The following LPCAT1 variants were observed in gnomAD, a reference collection of about 807,000 sequenced individuals.
The protein encoded by LPCAT1 is 1-acylglycerol-3-phosphate O-acyltransferase.
In LPCAT1, 23 loss-of-function variants were observed where a neutral mutation model predicts 60.9. That is an observed-to-expected ratio of 0.38 (90% confidence interval 0.27 to 0.53). LPCAT1 has a LOEUF of 0.53. LPCAT1 is among the 20% of genes least tolerant of loss of function. LPCAT1 has a pLI of 0.82. For missense variants in LPCAT1, 622 were observed against 723.6 expected (o/e 0.86, Z 1.61); for synonymous variants, 340 against 301.1 (o/e 1.13, Z -1.34).
In LPCAT1 at chr5:1,523,241, G is replaced by A. The variant is rs185792634; in HGVS notation, c.135+469C>T. ...CCCTCCCGCCCGCGGGCCGCGTCCAGGCAAAGCCGCTCCGGAGTCCCCGGG... is the reference window on the plus strand; with the variant it reads ...CCCTCCCGCCCGCGGGCCGCGTCCAAGCAAAGCCGCTCCGGAGTCCCCGGG... On this transcript the variant is annotated intron_variant, in intron 1 of 13. Coordinates refer to ENST00000283415, the MANE Select transcript of LPCAT1 (RefSeq NM_024830.5). The surrounding 1 kb of genome is among the most constrained non-coding windows in gnomAD (Gnocchi z 7.1). 1.8e-3 allele frequency among the ~76,000 whole-genome samples: 272 copies of A among 152,098 alleles called. No individual in the cohort carries two copies. The highest frequency in any genetic ancestry group is 6.1e-3 in the African/African-American group (255 of 41,530).
intron 5 of LPCAT1, among the ~76,000 whole-genome samples, chr5:1,484,401 T>TA (rs559014501): frequency 6.6e-6 from 1 of 152,360 alleles, no homozygotes; most frequent in Non-Finnish European, 1.5e-5. Flanking sequence ...AGTTTTTTTT[T>TA]AACTGGAAAA....
At chr5:1,510,350 G>A (rs184900489) in intron 1 of LPCAT1, among the ~76,000 whole-genome samples, 38 of 152,252 alleles carry the variant, frequency 2.5e-4, no homozygotes, top group African/African-American at 7.7e-4. Flanking sequence ...CAGCCGTACC[G>A]CCTCCCGCCG....
Position 1,474,740 on chromosome 5 carries a change from C to T in LPCAT1, c.900-55G>A, listed in dbSNP as rs58545070. 4.1e-4 allele frequency: 643 copies of T among 1,565,640 alleles called. 2 individuals carry two copies. Among genetic ancestry groups the T allele is most frequent in the African/African-American group, 3.6e-3 (267 of 74,346 alleles). ...CAGCCTCGTGGCAGCCAGTTCCCAC[C>T]GCCCCACCAGAATAACCGCCGATGG... On this transcript the variant is annotated intron_variant, in intron 9 of 13. Coordinates refer to ENST00000283415, the MANE Select transcript of LPCAT1 (RefSeq NM_024830.5).
At chr5:1,465,068 C>A (rs868515413) in intron 13 of LPCAT1, among the ~76,000 whole-genome samples, 8 of 71,588 alleles carry the variant, frequency 1.1e-4, no homozygotes, top group African/African-American at 3.2e-4. Context: ...AGTGCACGCA[C>A]ACACACGGTA....
Position 1,470,912 on chromosome 5 carries a change from C to CGCCGCT in LPCAT1, c.1186_1191dup (p.Ser396_Gly397dup), listed in dbSNP as rs749558789. Reference sequence around the variant, plus strand: ...ACCACACACTCTCGCAGGTCCACCTCGCCGCTGCCGCTCTGTGGGGAGAGA... The same window carrying CGCCGCT: ...ACCACACACTCTCGCAGGTCCACCTCGCCGCTGCCGCTGCCGCTCTGTGGGGAGAGA... On this transcript the variant is annotated inframe_insertion, in exon 12 of 14. Coordinates refer to ENST00000283415, the MANE Select transcript of LPCAT1 (RefSeq NM_024830.5). 52 of 1,613,002 alleles carry CGCCGCT rather than the reference C, an allele frequency of 3.2e-5. No homozygotes were observed. In the African/African-American group the frequency reaches 6.4e-4, roughly 20 times the overall value.
chr5:1,513,325 C>T (rs186203057), intron 1 of LPCAT1, among the ~76,000 whole-genome samples: 1 of 152,206 alleles, frequency 6.6e-6, no homozygotes, highest in Non-Finnish European at 1.5e-5. Flanking sequence ...CATGTCCAAC[C>T]TGCAGCCCCA....
At position 1,494,933 on chromosome 5, in the gene LPCAT1, C is replaced by T. The variant is rs1173284393; in HGVS notation, c.279-19G>A. 4.4e-6 allele frequency: 7 copies of T among 1,576,102 alleles called. No homozygotes were observed. Among genetic ancestry groups the T allele is most frequent in the South Asian group, 1.1e-5 (1 of 87,906 alleles). On this transcript the variant is annotated intron_variant, in intron 2 of 13. Transcript: ENST00000283415. ...CACAACCCTGCAAAAGAGGGCGCTGCGTCACGCGGGCACACGTCCGCAGTC... is the reference window on the plus strand; with the variant it reads ...CACAACCCTGCAAAAGAGGGCGCTGTGTCACGCGGGCACACGTCCGCAGTC...
At chr5:1,501,901 T>C (rs552566298) in intron 1 of LPCAT1, among the ~76,000 whole-genome samples, 45 of 152,096 alleles carry the variant, frequency 3.0e-4, no homozygotes, top group Middle Eastern at 3.4e-3. Flanking sequence ...TGACCAAGGC[T>C]GACCGGTGCT....
Position 1,483,716 on chromosome 5 carries a change from A to G in LPCAT1, c.668-230T>C, listed in dbSNP as rs1003420449. On this transcript the variant is annotated intron_variant, in intron 5 of 13. Coordinates refer to ENST00000283415, the MANE Select transcript of LPCAT1 (RefSeq NM_024830.5). This position sits in a 1 kb window ranked among gnomAD's most constrained non-coding sequence, Gnocchi z 9.2. The stretch of plus-strand genomic sequence containing the variant: ...GCCAGGGGCGCTCCCCGGCCAAGGA[A>G]CACTTTCTGTTTTAACATCGCGCAC... 6.6e-6 allele frequency among the ~76,000 whole-genome samples: 1 copy of G among 152,236 alleles called. No homozygotes were observed. The highest frequency in any genetic ancestry group is 1.5e-5 in the Non-Finnish European group (1 of 68,048).
chr5:1,464,182 C>T (rs1734228605), intron 13 of LPCAT1, among the ~76,000 whole-genome samples: 1 of 152,216 alleles, frequency 6.6e-6, no homozygotes, highest in Non-Finnish European at 1.5e-5. Context: ...AGGGACAAGA[C>T]CAAGTGTCTG....
In LPCAT1 at chr5:1,480,874, G is replaced by T; in HGVS notation, c.761+68C>A. 6.3e-7 allele frequency: 1 copy of T among 1,577,890 alleles called. No homozygotes were observed. Among genetic ancestry groups the T allele is most frequent in the Non-Finnish European group, 8.7e-7 (1 of 1,147,618 alleles). On this transcript the variant is annotated intron_variant, in intron 7 of 13. Coordinates refer to ENST00000283415, the MANE Select transcript of LPCAT1 (RefSeq NM_024830.5). This position sits in a 1 kb window ranked among gnomAD's most constrained non-coding sequence, Gnocchi z 6.4. ...GCAAAAGTAACTAGCGTGCACAGCA[G>T]ACCCCAAGCAGCCCCTACGTGTTCA...
In LPCAT1 at chr5:1,494,887, G is replaced by A. The variant is rs779218382; in HGVS notation, c.306C>T (p.Ile102=). ...RKVVDFLLKA[I]MRTMWFAGGF... Reference sequence around the variant, plus strand: ...CGCCGGCGAACCACATGGTGCGCATGATGGCCTTCAGCAGGAAGTCCACAA... The same window carrying A: ...CGCCGGCGAACCACATGGTGCGCATAATGGCCTTCAGCAGGAAGTCCACAA... The change falls in exon 3 of 14, where the codon ATC becomes ATT. Residue 102 remains isoleucine, a synonymous_variant. Transcript: ENST00000283415. The A allele has an allele frequency of 1.9e-6, 3 of 1,612,218 alleles. No individual in the cohort carries two copies. The highest frequency in any genetic ancestry group is 1.1e-5 in the South Asian group (1 of 90,940).
rs1038055543 is a variant in LPCAT1, at chr5:1,463,427, G to T, written c.*224C>A. The T allele has an allele frequency of 1.1e-5, 6 of 561,656 alleles. No homozygotes were observed. The highest frequency in any genetic ancestry group is 1.5e-5 in the Non-Finnish European group (5 of 326,406). The allele number at this position is 561,656 out of a possible 1,614,324, so 34.8% of individuals were successfully genotyped here. On this transcript the variant is annotated 3_prime_UTR_variant, in exon 14 of 14. Transcript: ENST00000283415. ...CCCCACGGGGTCCAGGCCAGGCGGGGGATCCGCGTGCGCGCCCTCCGATTC... is the reference window on the plus strand; with the variant it reads ...CCCCACGGGGTCCAGGCCAGGCGGGTGATCCGCGTGCGCGCCCTCCGATTC...
chr5:1,468,732 G>A (rs1304180494), intron 12 of LPCAT1, among the ~76,000 whole-genome samples: 4 of 152,216 alleles, frequency 2.6e-5, no homozygotes, highest in Admixed American at 6.5e-5. Context: ...GAAGCACATC[G>A]GTGCGCTGCG....
chr5:1,516,127 G>C (rs1736499522), intron 1 of LPCAT1, among the ~76,000 whole-genome samples: 1 of 152,230 alleles, frequency 6.6e-6, no homozygotes, highest in Non-Finnish European at 1.5e-5. Context: ...AGTTGTGGGG[G>C]AGGCAGAAAT....
intron 13 of LPCAT1, among the ~76,000 whole-genome samples, chr5:1,464,308 C>T (rs1015016305): frequency 1.3e-5 from 2 of 152,150 alleles, no homozygotes; most frequent in African/African-American, 4.8e-5. Flanking sequence ...GCCTGGCTCT[C>T]ATGTGAGCGC....
intron 1 of LPCAT1, among the ~76,000 whole-genome samples, chr5:1,507,211 C>G (rs1035423679): frequency 6.6e-6 from 1 of 152,164 alleles, no homozygotes; most frequent in African/African-American, 2.4e-5. Flanking sequence ...CGCCTGCAGA[C>G]GCTGAGACCT....
rs1255390024 is a variant in LPCAT1 at position 1,462,083 on chromosome 5, T to C, written c.*1568A>G. 6.6e-6 allele frequency: 1 copy of C among 152,468 alleles called. No homozygotes were observed. Among genetic ancestry groups the C allele is most frequent in the African/African-American group, 2.4e-5 (1 of 41,440 alleles). 9.4% of individuals were successfully genotyped at this position (152,468 alleles called of 1,614,324 possible). On this transcript the variant is annotated 3_prime_UTR_variant, in exon 14 of 14. Coordinates refer to ENST00000283415, the MANE Select transcript of LPCAT1 (RefSeq NM_024830.5). Reference sequence around the variant, plus strand: ...AACGGAGCTGAAGGTTGTTTTTAAATGTCTGTCAGTGGAGAAACGCGTATC... The same window carrying C: ...AACGGAGCTGAAGGTTGTTTTTAAACGTCTGTCAGTGGAGAAACGCGTATC...
intron 1 of LPCAT1, among the ~76,000 whole-genome samples, chr5:1,520,944 A>G (rs1736656289): frequency 1.3e-5 from 2 of 152,228 alleles, no homozygotes; most frequent in Non-Finnish European, 2.9e-5. Context: ...GGAAATACTC[A>G]TACCCACAGA....
Sources: allele counts gnomAD v4.1 joint callset (sites outside exome capture counted in the v4.1 genomes callset), GRCh38; gene constraint gnomAD v4.1.1; non-coding constraint Gnocchi (gnomAD v3.1); transcripts MANE v1.5; gene names NCBI Gene and HGNC (gene_info 2026-07-23, HGNC 2026-07-21).